The following ABCC1 variants were observed in gnomAD, a reference collection of about 807,000 sequenced individuals.
The protein encoded by ABCC1 is ATP binding cassette subfamily C member 1 (ABCC1 blood group), also known as multidrug resistance-associated protein 1.
A neutral mutation model predicts 172.9 loss-of-function variants in ABCC1; 83 were observed. The ratio of observed to expected loss-of-function variants is 0.48; its 90% CI spans 0.40 to 0.58. ABCC1 has a LOEUF of 0.58. Ranked by LOEUF, ABCC1 falls within the 20% of genes least tolerant of loss-of-function variation. ABCC1 has a pLI of 0.00. For synonymous variants in ABCC1, 937 were observed against 825.2 expected, an observed-to-expected ratio of 1.14 and a Z score of -2.32; for missense variants, 1,817 against 2,002.7, an observed-to-expected ratio of 0.91 and a Z score of 1.77.
chr16:16,139,671 C>T (rs2046060670), intron 30 of ABCC1, among the ~76,000 whole-genome samples: 2 of 140,670 alleles, frequency 1.4e-5, no homozygotes, highest in Non-Finnish European at 3.1e-5. Flanking sequence ...TATACTAACA[C>T]AGTCATAAAA....
At chr16:15,963,948 C>CTT (rs552888444) in intron 1 of ABCC1, among the ~76,000 whole-genome samples, 1 of 146,182 alleles carries the variant, frequency 6.8e-6, no homozygotes, top group East Asian at 2.0e-4. Context: ...AATTTCCACA[C>CTT]TTTTTTTTTT....
chr16:15,992,897 C>A (rs749511860), intron 1 of ABCC1, among the ~76,000 whole-genome samples: 2 of 152,132 alleles, frequency 1.3e-5, no homozygotes, highest in South Asian at 2.1e-4. Flanking sequence ...ATCCTCCCCC[C>A]ACCCCACCCC....
intron 21 of ABCC1, among the ~76,000 whole-genome samples, chr16:16,110,865 C>T (rs1032469551): frequency 5.3e-5 from 8 of 152,226 alleles, no homozygotes; most frequent in South Asian, 2.1e-4. Flanking sequence ...TCTCACCACG[C>T]GACTGGAAGC....
chr16:16,048,352 G>C (rs530112384), intron 10 of ABCC1, 49 bp downstream of exon 10: 1 of 1,604,066 alleles, frequency 6.2e-7, no homozygotes. Context: ...GGACTTCTAC[G>C]TGTGGGCAGT....
In ABCC1 at chr16:16,090,607, TTCCACCC is replaced by T. The variant is rs1490740203; in HGVS notation, c.2644+20_2644+26del. ...GAGAACGGTAGGGGCAGCCCCAGGGTTCCACCCACTCAGGGTGTCTGGCACCTTGAAG... is the reference window on the plus strand; with the variant it reads ...GAGAACGGTAGGGGCAGCCCCAGGGTACTCAGGGTGTCTGGCACCTTGAAG... On this transcript the variant is annotated intron_variant, in intron 19 of 30. Coordinates refer to ENST00000399410, the MANE Select transcript of ABCC1 (RefSeq NM_004996.4). 1.3e-6 allele frequency: 2 copies of T among 1,552,926 alleles called. No individual in the cohort carries two copies. Among genetic ancestry groups the T allele is most frequent in the Non-Finnish European group, 1.7e-6 (2 of 1,143,814 alleles).
At chr16:15,978,291 A>G (rs186558568) in intron 1 of ABCC1, among the ~76,000 whole-genome samples, 3 of 152,254 alleles carry the variant, frequency 2.0e-5, no homozygotes, top group Non-Finnish European at 4.4e-5. Flanking sequence ...TCCTGAGCTC[A>G]GGAGGTTGAG....
chr16:16,088,538 A>G (rs922231977), intron 18 of ABCC1, among the ~76,000 whole-genome samples: 1 of 152,190 alleles, frequency 6.6e-6, no homozygotes, highest in Non-Finnish European at 1.5e-5. Context: ...GGGTTAGCAA[A>G]TCTGGCCCAC....
chr16:16,010,108 A>G, intron 3 of ABCC1, among the ~76,000 whole-genome samples: 1 of 121,690 alleles, frequency 8.2e-6, no homozygotes, highest in East Asian at 2.7e-4. Flanking sequence ...CTATGGTACC[A>G]TCATAGTTCA....
chr16:16,020,853 A>C (rs146284762), intron 5 of ABCC1, among the ~76,000 whole-genome samples: 1 of 152,122 alleles, frequency 6.6e-6, no homozygotes, highest in East Asian at 1.9e-4. Context: ...ACTTGGTACT[A>C]TTTTTCTCAT....
At chr16:16,072,501 TATTAA>T (rs779348412) in intron 14 of ABCC1, among the ~76,000 whole-genome samples, 1 of 129,946 alleles carries the variant, frequency 7.7e-6, no homozygotes, top group Non-Finnish European at 1.6e-5. Context: ...TTTTTTTCAA[TATTAA>T]ATTGTTTTAT....
At chr16:16,004,764 C>T (rs1186230317) in intron 1 of ABCC1, among the ~76,000 whole-genome samples, 1 of 150,438 alleles carries the variant, frequency 6.6e-6, no homozygotes, top group Non-Finnish European at 1.5e-5. Flanking sequence ...AGGTGATTCT[C>T]CTGCCTGAGC....
chr16:16,116,213 C>T (rs2044858082), intron 23 of ABCC1, among the ~76,000 whole-genome samples: 1 of 152,006 alleles, frequency 6.6e-6, no homozygotes, highest in Admixed American at 6.6e-5. Context: ...CCCTTTCATT[C>T]TTAAGTTGGC....
intron 26 of ABCC1, among the ~76,000 whole-genome samples, chr16:16,130,680 C>G (rs2045640822): frequency 6.6e-6 from 1 of 152,324 alleles, no homozygotes; most frequent in East Asian, 1.9e-4. Flanking sequence ...CTTATCCAGC[C>G]TAATGATAGT....
intron 5 of ABCC1, among the ~76,000 whole-genome samples, chr16:16,019,949 A>G (rs1159862130): frequency 6.6e-6 from 1 of 152,052 alleles, no homozygotes; most frequent in Non-Finnish European, 1.5e-5. Context: ...GTCTCTTTGC[A>G]GTCTCGCTCT....
intron 12 of ABCC1, among the ~76,000 whole-genome samples, chr16:16,057,909 G>C (rs761975935): frequency 2.0e-4 from 31 of 152,056 alleles, no homozygotes; most frequent in Non-Finnish European, 4.0e-4. Flanking sequence ...CTAAGTAGCT[G>C]GGACTCCAGG....
chr16:16,125,909 G>GAGGT lies in ABCC1; in HGVS notation c.3819+2_3819+5dup, dbSNP rs1376898390. ...CAAGGAGTATTCAGAGACTGAGAAGGAGGTAGGCAAGGGCCCCTGGCTGGA... is the reference window on the plus strand; with the variant it reads ...CAAGGAGTATTCAGAGACTGAGAAGGAGGTAGGTAGGCAAGGGCCCCTGGCTGGA... On this transcript the variant is annotated frameshift_variant and splice_region_variant, in exon 26 of 31. Transcript: ENST00000399410. LOFTEE classifies it high-confidence loss of function. 1 of 1,613,562 alleles carries GAGGT rather than the reference G, an allele frequency of 6.2e-7. No homozygotes were observed. The highest frequency in any genetic ancestry group is 1.7e-5 in the Admixed American group (1 of 59,944).
At chr16:16,039,239 A>ATGTG (rs71137905) in intron 7 of ABCC1, among the ~76,000 whole-genome samples, 79 of 119,594 alleles carry the variant, frequency 6.6e-4, no homozygotes, top group South Asian at 1.7e-3. Flanking sequence ...GTGTGTATGT[A>ATGTG]TGTGTGTGTG....
intron 1 of ABCC1, among the ~76,000 whole-genome samples, chr16:15,953,152 A>G (rs1317737915): frequency 6.6e-6 from 1 of 152,064 alleles, no homozygotes; most frequent in Non-Finnish European, 1.5e-5. Context: ...CCTGACCAAC[A>G]TGGCAAAACC....
chr16:15,983,750 T>C (rs2046682831), intron 1 of ABCC1, among the ~76,000 whole-genome samples: 1 of 150,242 alleles, frequency 6.7e-6, no homozygotes, highest in Non-Finnish European at 1.5e-5. Context: ...GAGACGGGGT[T>C]TCATCATGTT....
Sources: allele counts gnomAD v4.1 joint callset (sites outside exome capture counted in the v4.1 genomes callset), GRCh38; gene constraint gnomAD v4.1.1; transcripts MANE v1.5; gene names NCBI Gene and HGNC (gene_info 2026-07-23, HGNC 2026-07-21).